The following ROR2 variants were observed in gnomAD, a reference collection of about 807,000 sequenced individuals.
ROR2 encodes tyrosine-protein kinase transmembrane receptor ROR2.
Under a neutral mutation model 74.9 loss-of-function variants are expected in ROR2, and 33 were observed. The observed-to-expected ratio is 0.44, with a 90% CI of 0.33 to 0.59. ROR2 has a LOEUF of 0.59. Ranked by LOEUF, ROR2 falls within the 20% of genes least tolerant of loss-of-function variation. The pLI, the probability that ROR2 is intolerant of heterozygous loss-of-function variation, is 0.02. For synonymous variants in ROR2, 586 were observed against 558.7 expected (o/e 1.05, Z -0.69); for missense variants, 1,216 against 1,313.8 (o/e 0.93, Z 1.15).
intron 1 of ROR2, among the ~76,000 whole-genome samples, chr9:91,827,701 G>T (rs1016875859): frequency 2.6e-5 from 4 of 152,208 alleles, no homozygotes; most frequent in Admixed American, 2.0e-4. Flanking sequence ...TCGGTCCAAT[G>T]TACAGATCGA....
intron 7 of ROR2, among the ~76,000 whole-genome samples, chr9:91,727,209 A>G (rs1212821524): frequency 6.6e-6 from 1 of 152,168 alleles, no homozygotes; most frequent in Non-Finnish European, 1.5e-5. Context: ...TCCTCATTCA[A>G]CATTTTAATG....
chr9:91,784,789 CACA>C (rs1337306797), intron 1 of ROR2, among the ~76,000 whole-genome samples: 1 of 152,226 alleles, frequency 6.6e-6, no homozygotes, highest in African/African-American at 2.4e-5. Flanking sequence ...CACATGTACA[CACA>C]AAGTCCTAAC....
At chr9:91,772,561 G>A (rs1212935753) in intron 2 of ROR2, among the ~76,000 whole-genome samples, 2 of 152,184 alleles carry the variant, frequency 1.3e-5, no homozygotes, top group Non-Finnish European at 2.9e-5. Flanking sequence ...AAGGCAGCCC[G>A]GCCTTCTGTG....
At chr9:91,833,843 G>A (rs963513389) in intron 1 of ROR2, among the ~76,000 whole-genome samples, 3 of 152,176 alleles carry the variant, frequency 2.0e-5, no homozygotes, top group Non-Finnish European at 2.9e-5. Context: ...TATGGAGGGA[G>A]GGACGTCCCC....
chr9:91,797,110 C>A (rs1170786955), intron 1 of ROR2, among the ~76,000 whole-genome samples: 2 of 56,124 alleles, frequency 3.6e-5, no homozygotes, highest in East Asian at 5.5e-4. Flanking sequence ...ACACCCTGGG[C>A]TCTGTGGGTG....
intron 1 of ROR2, among the ~76,000 whole-genome samples, chr9:91,866,531 C>T (rs995513777): frequency 7.9e-5 from 12 of 150,946 alleles, no homozygotes; most frequent in Non-Finnish European, 2.9e-5. Context: ...GATTCTCCTG[C>T]CTCAGCCTCC....
chr9:91,929,051 C>A (rs1282396944), intron 1 of ROR2, among the ~76,000 whole-genome samples: 1 of 152,250 alleles, frequency 6.6e-6, no homozygotes, highest in Non-Finnish European at 1.5e-5. Flanking sequence ...GAAGCATGGG[C>A]ACTGTGGCTT....
chr9:91,865,868 C>A (rs1829617447), intron 1 of ROR2, among the ~76,000 whole-genome samples: 1 of 152,152 alleles, frequency 6.6e-6, no homozygotes, highest in Admixed American at 6.5e-5. Context: ...AAATAGAATA[C>A]AAAAGGTATT....
intron 4 of ROR2, among the ~76,000 whole-genome samples, chr9:91,750,128 G>A (rs987530705): frequency 6.6e-6 from 1 of 152,062 alleles, no homozygotes; most frequent in Non-Finnish European, 1.5e-5. Context: ...TCTTGAACTC[G>A]TGACCTCAGG....
chr9:91,887,520 T>C (rs1830315676), intron 1 of ROR2, among the ~76,000 whole-genome samples: 1 of 152,180 alleles, frequency 6.6e-6, no homozygotes, highest in Non-Finnish European at 1.5e-5. Flanking sequence ...ATATCACAAG[T>C]TTTTTCCCAC....
Position 91,909,894 on chromosome 9 carries a change from G to C in ROR2, c.97+39973C>G, listed in dbSNP as rs1040106290. Among the ~76,000 whole-genome samples the C allele has an allele frequency of 6.2e-5, 5 of 81,222 alleles. No homozygotes were observed. In the South Asian group the frequency reaches 1.3e-3, roughly 21 times the overall value. The allele number at this position is 81,222 out of a possible 152,430, so 53.3% of individuals were successfully genotyped here. On this transcript the variant is annotated intron_variant, in intron 1 of 8. Transcript: ENST00000375708. ...TTTAGTTTTTTTCAATCAGAGTCTT[G>C]CTCTGTGGCCCAGGCTGAAGTGCAG... is the stretch of plus-strand genomic sequence containing the variant.
intron 1 of ROR2, among the ~76,000 whole-genome samples, chr9:91,871,059 AC>A (rs1394600439): frequency 2.0e-5 from 3 of 152,034 alleles, no homozygotes; most frequent in African/African-American, 7.2e-5. Flanking sequence ...AGGTTTAGGG[AC>A]TCTCCTGACC....
chr9:91,807,341 C>T (rs1394683040), intron 1 of ROR2, among the ~76,000 whole-genome samples: 2 of 152,204 alleles, frequency 1.3e-5, no homozygotes, highest in African/African-American at 4.8e-5. Context: ...GGGTGGGGCA[C>T]CCCAACTCCA....
At chr9:91,820,530 A>C (rs1766202720) in intron 1 of ROR2, among the ~76,000 whole-genome samples, 1 of 152,160 alleles carries the variant, frequency 6.6e-6, no homozygotes. Flanking sequence ...CACGGCAGGC[A>C]ATCTACCAGG....
intron 4 of ROR2, 59 bp downstream of exon 4, chr9:91,756,012 C>G: frequency 6.4e-7 from 1 of 1,571,508 alleles, no homozygotes; most frequent in Non-Finnish European, 8.8e-7. Context: ...ACCCCGGATT[C>G]CTACATAACA....
At chr9:91,876,369 C>CAAA (rs34524843) in intron 1 of ROR2, among the ~76,000 whole-genome samples, 1 of 146,518 alleles carries the variant, frequency 6.8e-6, no homozygotes. Flanking sequence ...ACTCTGTCTC[C>CAAA]AAAAAAAAAA....
chr9:91,888,751 A>C (rs1463661400), intron 1 of ROR2, among the ~76,000 whole-genome samples: 1 of 152,218 alleles, frequency 6.6e-6, no homozygotes, highest in Non-Finnish European at 1.5e-5. Context: ...GAGCAGGAGG[A>C]AATCACTGGC....
chr9:91,775,657 T>C (rs1376934313), intron 2 of ROR2, 84 bp downstream of exon 2: 2 of 1,348,798 alleles, frequency 1.5e-6, no homozygotes, highest in Admixed American at 3.4e-5. Flanking sequence ...CCCCAGCGCC[T>C]TCCTTCAGGC....
At chr9:91,854,147 C>A (rs532195983) in intron 1 of ROR2, among the ~76,000 whole-genome samples, 1 of 152,306 alleles carries the variant, frequency 6.6e-6, no homozygotes, top group Admixed American at 6.5e-5. Flanking sequence ...GAGCTGCCCA[C>A]CCCCATAGGC....
Sources: allele counts gnomAD v4.1 joint callset (sites outside exome capture counted in the v4.1 genomes callset), GRCh38; gene constraint gnomAD v4.1.1; transcripts MANE v1.5; gene names NCBI Gene and HGNC (gene_info 2026-07-23, HGNC 2026-07-21).